TRAPPC9: variants seen among roughly 807,000 people sequenced by gnomAD.
TRAPPC9 encodes the protein trafficking protein particle complex subunit 9, also known as IKK2 binding protein.
A neutral mutation model predicts 124.0 loss-of-function variants in TRAPPC9; 83 were observed. The ratio of observed to expected loss-of-function variants is 0.67; its 90% CI spans 0.56 to 0.80. The LOEUF is 0.80. Ranked by LOEUF, TRAPPC9 falls within the 30% of genes least tolerant of loss-of-function variation. The probability of loss-of-function intolerance (pLI) is 0.00; values close to 1 mark genes in which losing one functional copy is unlikely to be tolerated. For synonymous variants in TRAPPC9, 638 were observed against 617.5 expected, an observed-to-expected ratio of 1.03 and a Z score of -0.49; for missense variants, 1,302 against 1,508.3, an observed-to-expected ratio of 0.86 and a Z score of 2.27.
At chr8:140,108,546 G>A (rs765481045) in intron 17 of TRAPPC9, among the ~76,000 whole-genome samples, 8 of 152,290 alleles carry the variant, frequency 5.3e-5, no homozygotes, top group East Asian at 3.9e-4. Context: ...ACCTGGCCCC[G>A]ACATCTACGC....
intron 8 of TRAPPC9, among the ~76,000 whole-genome samples, chr8:140,370,365 C>T (rs948198895): frequency 6.6e-6 from 1 of 152,056 alleles, no homozygotes; most frequent in African/African-American, 2.4e-5. Flanking sequence ...TCATGAACTC[C>T]TGACCTCAAG....
intron 18 of TRAPPC9, among the ~76,000 whole-genome samples, chr8:140,013,003 TAC>T (rs1839232077): frequency 1.3e-5 from 2 of 152,104 alleles, no homozygotes. Context: ...CCAGTTCCTT[TAC>T]ACACACTGAG....
chr8:139,807,943 AC>A (rs923232091), intron 21 of TRAPPC9, among the ~76,000 whole-genome samples: 7 of 152,128 alleles, frequency 4.6e-5, no homozygotes, highest in African/African-American at 1.7e-4. Flanking sequence ...TTCTCCACAG[AC>A]AGGAAGGGCA....
At chr8:140,125,007 C>T (rs560831595) in intron 17 of TRAPPC9, among the ~76,000 whole-genome samples, 42 of 152,362 alleles carry the variant, frequency 2.8e-4, no homozygotes, top group Admixed American at 8.5e-4. Context: ...TCACTGTCCC[C>T]CAACCAGGTG....
intron 15 of TRAPPC9, among the ~76,000 whole-genome samples, chr8:140,267,971 A>G (rs528268652): frequency 6.6e-6 from 1 of 152,154 alleles, no homozygotes; most frequent in Non-Finnish European, 1.5e-5. Context: ...CAGCTGAGTA[A>G]AAGCTATTCG....
chr8:140,175,810 A>G (rs2062056839), intron 17 of TRAPPC9, among the ~76,000 whole-genome samples: 1 of 152,258 alleles, frequency 6.6e-6, no homozygotes, highest in Non-Finnish European at 1.5e-5. Flanking sequence ...TTATTTGTGT[A>G]GCAAACATTT....
At chr8:140,262,656 T>C (rs1445082932) in intron 15 of TRAPPC9, 2 of 152,120 alleles carry the variant, frequency 1.3e-5, no homozygotes, top group East Asian at 3.9e-4. Flanking sequence ...GCAGTCGGAA[T>C]TCAGTTCAAT....
At chr8:140,002,313 A>G (rs1838455827) in intron 18 of TRAPPC9, among the ~76,000 whole-genome samples, 1 of 152,120 alleles carries the variant, frequency 6.6e-6, no homozygotes, top group South Asian at 2.1e-4. Context: ...ATGCTGATGA[A>G]TAAAATCAAA....
chr8:139,943,626 G>A (rs1186751522), intron 19 of TRAPPC9, among the ~76,000 whole-genome samples: 1 of 152,160 alleles, frequency 6.6e-6, no homozygotes, highest in African/African-American at 2.4e-5. Context: ...GATTTTTTAA[G>A]TTATTAAAAC....
At chr8:139,838,283 TG>T (rs1386101207) in intron 21 of TRAPPC9, among the ~76,000 whole-genome samples, 1 of 152,208 alleles carries the variant, frequency 6.6e-6, no homozygotes, top group African/African-American at 2.4e-5. Flanking sequence ...TGCCTTTACC[TG>T]TTCTCCCACT....
chr8:140,122,103 T>C (rs1431644461), intron 17 of TRAPPC9, among the ~76,000 whole-genome samples: 2 of 151,184 alleles, frequency 1.3e-5, no homozygotes, highest in Non-Finnish European at 2.9e-5. Flanking sequence ...ATGCAAACAG[T>C]CATGCTGGGA....
chr8:140,243,029 T>C (rs1002650687), intron 16 of TRAPPC9, among the ~76,000 whole-genome samples: 4 of 152,078 alleles, frequency 2.6e-5, no homozygotes, highest in African/African-American at 9.7e-5. Context: ...GAGGGACTGG[T>C]ACAAAACTGC....
intron 21 of TRAPPC9, among the ~76,000 whole-genome samples, chr8:139,853,673 T>C (rs533632802): frequency 6.6e-6 from 1 of 152,312 alleles, no homozygotes; most frequent in South Asian, 2.1e-4. Flanking sequence ...CAGTTCCTCC[T>C]GGGCCAATGA....
chr8:140,044,739 A>G (rs181628853), intron 17 of TRAPPC9, among the ~76,000 whole-genome samples: 1 of 152,342 alleles, frequency 6.6e-6, no homozygotes, highest in Admixed American at 6.5e-5. Context: ...ATAAGTCCCT[A>G]TTATAAATGG....
intron 5 of TRAPPC9, among the ~76,000 whole-genome samples, chr8:140,408,588 C>T (rs2069581877): frequency 6.6e-6 from 1 of 152,074 alleles, no homozygotes; most frequent in South Asian, 2.1e-4. Flanking sequence ...CTAGCACCAG[C>T]CTGGGTCACT....
intron 17 of TRAPPC9, among the ~76,000 whole-genome samples, chr8:140,044,705 T>C (rs1841478400): frequency 6.6e-6 from 1 of 152,210 alleles, no homozygotes. Flanking sequence ...TTTCAGAAGA[T>C]TACAGCTTCT....
In TRAPPC9 at chr8:139,732,191, C is replaced by T. The variant is rs1309894089; in HGVS notation, c.3067G>A (p.Asp1023Asn). ...GCCTCGCGGTCACATGGCTGTCCGT[C>T]CACCAGCACATCTGTAAGGGACACG... ...LAPLQWDVLV[D>N]GQPCDREAVA... is the part of the protein sequence containing the mutation. Residue 1023 changes from aspartate (D) to asparagine (N), a missense_variant, in exon 22 of 23, where the codon GAC (aspartate) becomes AAC (asparagine). Coordinates refer to ENST00000438773, the MANE Select transcript of TRAPPC9 (RefSeq NM_001160372.4). 1.3e-6 allele frequency: 2 copies of T among 1,591,386 alleles called. No individual in the cohort carries two copies. Among genetic ancestry groups the T allele is most frequent in the Non-Finnish European group, 1.7e-6 (2 of 1,174,690 alleles).
At chr8:140,282,554 A>C (rs1421137474) in intron 14 of TRAPPC9, among the ~76,000 whole-genome samples, 1 of 108,400 alleles carries the variant, frequency 9.2e-6, no homozygotes, top group Admixed American at 9.8e-5. Context: ...GCAACAGAGC[A>C]AGACTCCGTC....
At position 140,457,682 on chromosome 8, in the gene TRAPPC9, C is replaced by G; in HGVS notation, c.-54G>C. The G allele has an allele frequency of 1.0e-6, 1 of 986,736 alleles. No individual in the cohort carries two copies. The highest frequency in any genetic ancestry group is 1.2e-6 in the Non-Finnish European group (1 of 830,798). 61.1% of individuals were successfully genotyped at this position (986,736 alleles called of 1,614,324 possible). On this transcript the variant is annotated 5_prime_UTR_variant, in exon 1 of 23. Transcript: ENST00000438773. ...CCCGGAGCGGGAGCCCACGACCTGG[C>G]GGGCAGCGGGGCCGAGCAGCCTCTG...
Sources: gnomAD v4.1 joint callset for allele counts (sites outside exome capture counted in the v4.1 genomes callset) on GRCh38, gnomAD v4.1.1 for gene constraint, MANE v1.5 for transcripts, NCBI Gene and HGNC (gene_info 2026-07-23, HGNC 2026-07-21) for gene names.